NLGN4Y: variants seen among roughly 807,000 people sequenced by gnomAD.
NLGN4Y encodes the protein neuroligin 4 Y-linked, also known as neuroligin-4, Y-linked.
In NLGN4Y, 4 loss-of-function variants were observed where a neutral mutation model predicts 8.4. The ratio of observed to expected loss-of-function variants is 0.48; its 90% CI spans 0.23 to 1.09. The LOEUF is 1.09. Among genes scored for constraint, NLGN4Y ranks in the 50% least tolerant of loss-of-function variants. NLGN4Y has a pLI of 0.19. For missense variants in NLGN4Y, 90 were observed against 192.3 expected (o/e 0.47, Z 3.15); for synonymous variants, 35 against 75.6 (o/e 0.46, Z 2.78).
At chrY:14,548,635 T>C (rs2080180820) in intron 1 of NLGN4Y, among the ~76,000 whole-genome samples, 1 of 33,536 alleles carries the variant, frequency 3.0e-5, no homozygotes, top group Non-Finnish European at 7.4e-5. Flanking sequence ...CCTTTTTTTT[T>C]CTCACAATAG....
At chrY:14,785,924 G>GA (rs2042965482) in intron 4 of NLGN4Y, among the ~76,000 whole-genome samples, 1 of 32,452 alleles carries the variant, frequency 3.1e-5, no homozygotes, top group East Asian at 8.3e-4. Flanking sequence ...GAACCAAAAA[G>GA]AAAAAAAGAA....
intron 2 of NLGN4Y, chrY:14,639,000 G>T (rs2080579132): frequency 2.0e-5 from 1 of 49,166 alleles, no homozygotes; most frequent in Non-Finnish European, 4.5e-5. Context: ...TGTTAGGGAA[G>T]ATTCTAAACC....
intron 4 of NLGN4Y, among the ~76,000 whole-genome samples, chrY:14,770,311 G>A (rs538695081): frequency 3.0e-4 from 10 of 33,087 alleles, no homozygotes; most frequent in African/African-American, 1.2e-3. Context: ...GATCTAACTG[G>A]CATCTGGTGG....
chrY:14,801,407 TTTTG>T (rs2043030479), intron 4 of NLGN4Y: 1 of 30,809 alleles, frequency 3.2e-5, no homozygotes, highest in African/African-American at 1.3e-4. Context: ...CCTGTTTTTT[TTTTG>T]TTTGTTTTTT....
chrY:14,701,083 G>A, intron 2 of NLGN4Y, among the ~76,000 whole-genome samples: 1 of 32,248 alleles, frequency 3.1e-5, no homozygotes, highest in Non-Finnish European at 7.5e-5. Context: ...AGGAACTAGG[G>A]CTTCTTGGAG....
intron 2 of NLGN4Y, among the ~76,000 whole-genome samples, chrY:14,703,195 G>C: frequency 9.1e-5 from 3 of 33,108 alleles, no homozygotes; most frequent in Non-Finnish European, 7.4e-5. Context: ...TTTGGCTTTT[G>C]TTGCCATTGC....
intron 4 of NLGN4Y, among the ~76,000 whole-genome samples, chrY:14,787,497 C>G (rs2042971714): frequency 3.0e-5 from 1 of 33,421 alleles, no homozygotes; most frequent in Non-Finnish European, 7.4e-5. Context: ...AGTAGAGGGG[C>G]TGCAACTGTT....
At chrY:14,649,675 G>A (rs937561337) in intron 2 of NLGN4Y, among the ~76,000 whole-genome samples, 1 of 33,855 alleles carries the variant, frequency 3.0e-5, no homozygotes, top group East Asian at 7.8e-4. Flanking sequence ...TCAAATTTAC[G>A]TCAATCACAA....
intron 2 of NLGN4Y, among the ~76,000 whole-genome samples, chrY:14,667,473 T>G: frequency 6.1e-5 from 2 of 32,590 alleles, no homozygotes; most frequent in African/African-American, 2.4e-4. Flanking sequence ...CACACACACA[T>G]ACATGCAGGG....
rs2043076203 is a variant in NLGN4Y, at chrY:14,810,883, A to AT, written c.686-13303dup. Among the ~76,000 whole-genome samples, 30 of 33,266 alleles carry AT rather than the reference A, an allele frequency of 9.0e-4. No individual in the cohort carries two copies. The East Asian group carries it at 0.014, about 15-fold the overall frequency. 89.2% of individuals were successfully genotyped at this position (33,266 alleles called of 37,273 possible). A position where few individuals can be genotyped will look rare whatever the true frequency, so the allele number is the denominator to read the frequency against. ...GTATAAATACCATGTGTCTGTTATA[A>AT]TTGTCTTAGATTTTCTCTATGGACT... On this transcript the variant is annotated intron_variant, in intron 4 of 6. Transcript: ENST00000684976.
chrY:14,700,925 G>C, intron 2 of NLGN4Y, among the ~76,000 whole-genome samples: 1 of 33,060 alleles, frequency 3.0e-5, no homozygotes, highest in Non-Finnish European at 7.4e-5. Context: ...AGCACCAGTA[G>C]CATGTATTAT....
chrY:14,758,290 C>CA (rs2081069077), intron 4 of NLGN4Y, among the ~76,000 whole-genome samples: 1 of 33,458 alleles, frequency 3.0e-5, no homozygotes, highest in African/African-American at 1.2e-4. Flanking sequence ...AACCTGTGGA[C>CA]ACTGGAATTC....
rs2043234307 is a variant in NLGN4Y, at chrY:14,843,287, G to T, written c.*2025G>T. The stretch of plus-strand genomic sequence containing the variant: ...TGTGAAATATTATGATCTGAACTTA[G>T]CACACATGAAGCAACATTTCTTTGC... On this transcript the variant is annotated 3_prime_UTR_variant, in exon 7 of 7. Coordinates refer to ENST00000684976, the MANE Select transcript of NLGN4Y (RefSeq NM_001365588.1). 8.3e-6 allele frequency: 1 copy of T among 119,915 alleles called. No individual in the cohort carries two copies. Among genetic ancestry groups the T allele is most frequent in the Non-Finnish European group, 1.8e-5 (1 of 55,828 alleles). 29.9% of individuals were successfully genotyped at this position (119,915 alleles called of 400,897 possible). A position where few individuals can be genotyped will look rare whatever the true frequency, so the allele number is the denominator to read the frequency against.
At chrY:14,697,495 TAGATAGA>T (rs2080834023) in intron 2 of NLGN4Y, among the ~76,000 whole-genome samples, 1 of 10,506 alleles carries the variant, frequency 9.5e-5, no homozygotes, top group Non-Finnish European at 2.3e-4. Context: ...AGATAGGTGA[TAGATAGA>T]TAGATAGATA....
At chrY:14,748,797 T>C in intron 4 of NLGN4Y, 2 of 155,420 alleles carry the variant, frequency 1.3e-5, no homozygotes. Context: ...TTTTCATTGA[T>C]TATGCTATAG....
chrY:14,641,796 CCT>C (rs2080592116), intron 2 of NLGN4Y, among the ~76,000 whole-genome samples: 2 of 33,317 alleles, frequency 6.0e-5, no homozygotes, highest in Admixed American at 2.7e-4. Context: ...TCCTATTTCC[CCT>C]GTCCACTAGG....
intron 1 of NLGN4Y, among the ~76,000 whole-genome samples, chrY:14,581,509 C>A (rs2080320529): frequency 3.0e-5 from 1 of 33,643 alleles, no homozygotes; most frequent in East Asian, 7.8e-4. Context: ...TTGTGTATGG[C>A]CCATGGCACC....
intron 4 of NLGN4Y, among the ~76,000 whole-genome samples, chrY:14,781,052 A>G: frequency 3.0e-5 from 1 of 33,422 alleles, no homozygotes; most frequent in Non-Finnish European, 7.4e-5. Flanking sequence ...AAAATGGGTC[A>G]AAGGGCCAGT....
At chrY:14,537,444 C>T in intron 1 of NLGN4Y, among the ~76,000 whole-genome samples, 1 of 33,868 alleles carries the variant, frequency 3.0e-5, no homozygotes, top group East Asian at 7.7e-4. Flanking sequence ...CTTTATTTTG[C>T]CCATTTGATA....
Sources: allele counts gnomAD v4.1 joint callset (sites outside exome capture counted in the v4.1 genomes callset), GRCh38; gene constraint gnomAD v4.1.1; transcripts MANE v1.5; gene names NCBI Gene and HGNC (gene_info 2026-07-23, HGNC 2026-07-21).